GAPVD1: variants seen among roughly 807,000 people sequenced by gnomAD.
GAPVD1 encodes the protein GTPase-activating protein and VPS9 domain-containing protein 1.
A neutral mutation model predicts 155.5 loss-of-function variants in GAPVD1; 35 were observed. The observed-to-expected ratio is 0.23, with a 90% CI of 0.17 to 0.30. GAPVD1 has a LOEUF of 0.30. GAPVD1 is among the 10% of genes least tolerant of loss of function. The pLI, the probability that GAPVD1 is intolerant of heterozygous loss-of-function variation, is 1.00. For synonymous variants in GAPVD1, 636 were observed against 619.7 expected (o/e 1.03, Z -0.39); for missense variants, 1,429 against 1,775.7 (o/e 0.80, Z 3.51).
intron 15 of GAPVD1, among the ~76,000 whole-genome samples, chr9:125,335,466 A>G (rs1170779328): frequency 1.3e-5 from 2 of 151,778 alleles, no homozygotes; most frequent in African/African-American, 4.8e-5. Flanking sequence ...TTACGAGGTC[A>G]GGAGATCGAG....
chr9:125,357,897 C>T (rs1850325520), intron 25 of GAPVD1, among the ~76,000 whole-genome samples: 1 of 151,776 alleles, frequency 6.6e-6, no homozygotes. Context: ...ATTGCTTGAA[C>T]CCAGGAGGCA....
intron 23 of GAPVD1, among the ~76,000 whole-genome samples, chr9:125,352,514 G>A (rs62581377): frequency 0.03 from 4,535 of 152,318 alleles, 86 homozygotes; most frequent in Non-Finnish European, 0.048. Flanking sequence ...TGGCTAGAGC[G>A]GCCGGAGGGC....
At chr9:125,350,924 T>C in intron 23 of GAPVD1, 52 bp downstream of exon 23, 1 of 1,383,304 alleles carries the variant, frequency 7.2e-7, no homozygotes, top group African/African-American at 1.4e-5. Flanking sequence ...GCTGCAAGTG[T>C]TTTCTTTTTT....
At chr9:125,356,786 C>G (rs1212455723) in intron 25 of GAPVD1, among the ~76,000 whole-genome samples, 1 of 152,218 alleles carries the variant, frequency 6.6e-6, no homozygotes, top group African/African-American at 2.4e-5. Context: ...ATTCTCCTGC[C>G]TCAGCCTCCC....
intron 11 of GAPVD1, among the ~76,000 whole-genome samples, chr9:125,325,519 CAAAAAA>C (rs34510251): frequency 2.1e-5 from 2 of 93,250 alleles, no homozygotes; most frequent in Admixed American, 1.3e-4. Flanking sequence ...GACTCCATCT[CAAAAAA>C]AAAAAAAAAA....
chr9:125,335,132 A>G (rs766048724), intron 15 of GAPVD1: 2 of 738,562 alleles, frequency 2.7e-6, no homozygotes, highest in African/African-American at 1.7e-5. Flanking sequence ...GGCTACTAAC[A>G]TATTGTTCCT....
In GAPVD1 at chr9:125,307,515, G is replaced by A; in HGVS notation, c.1219G>A (p.Val407Ile). ...NLLEGLSRTV[V>I]YITYSQLITL... ...TCTGGAAGGATTGAGCAGAACTGTG[G>A]TTTATATAACCTACAGTCAGCTTAT... The change falls in exon 7 of 28, where the codon GTT becomes ATT. Residue 407 changes from valine to isoleucine, a missense_variant. Transcript: ENST00000297933. 1 of 1,612,550 alleles carries A rather than the reference G, an allele frequency of 6.2e-7. No individual in the cohort carries two copies. Among genetic ancestry groups the A allele is most frequent in the East Asian group, 2.2e-5 (1 of 44,872 alleles).
chr9:125,317,010 A>G (rs1036497025), intron 9 of GAPVD1, among the ~76,000 whole-genome samples: 26 of 152,290 alleles, frequency 1.7e-4, no homozygotes, highest in African/African-American at 6.0e-4. Context: ...TTTCACAGGA[A>G]AAAAGTTAAT....
intron 2 of GAPVD1, among the ~76,000 whole-genome samples, chr9:125,288,439 T>A (rs1838072716): frequency 1.3e-5 from 2 of 152,120 alleles, no homozygotes; most frequent in South Asian, 4.1e-4. Context: ...ATTTATATTG[T>A]TCACATCTTC....
intron 10 of GAPVD1, among the ~76,000 whole-genome samples, chr9:125,321,925 T>C (rs1844378295): frequency 6.6e-6 from 1 of 152,206 alleles, no homozygotes. Flanking sequence ...TTCAATATGT[T>C]GCACATACTC....
chr9:125,323,296 T>G (rs1844660830), intron 10 of GAPVD1, among the ~76,000 whole-genome samples: 1 of 151,170 alleles, frequency 6.6e-6, no homozygotes. Flanking sequence ...TGTTTTGTTT[T>G]GTTGTGTTGT....
chr9:125,350,616 C>T (rs1463721932), intron 22 of GAPVD1, 97 bp from the exon 23 acceptor site: 30 of 755,536 alleles, frequency 4.0e-5, no homozygotes, highest in Middle Eastern at 3.0e-4. Context: ...TCTAATGATA[C>T]GTGACAAAGC....
chr9:125,312,709 G>C (rs951974170), intron 9 of GAPVD1, 97 bp downstream of exon 9: 10 of 815,316 alleles, frequency 1.2e-5, no homozygotes, highest in Non-Finnish European at 1.7e-5. Flanking sequence ...ATAAACAACA[G>C]ATATTTATTT....
At chr9:125,306,640 G>A (rs925191496) in intron 6 of GAPVD1, among the ~76,000 whole-genome samples, 2 of 151,956 alleles carry the variant, frequency 1.3e-5, no homozygotes, top group African/African-American at 2.4e-5. Context: ...CTGCAGGTGC[G>A]CGCCACCACA....
In GAPVD1 at chr9:125,312,096, G is replaced by T. The variant is rs1352023771; in HGVS notation, c.1442-356G>T. 4.6e-5 allele frequency among the ~76,000 whole-genome samples: 7 copies of T among 152,088 alleles called. 1 individual carries two copies. Among genetic ancestry groups the T allele is most frequent in the Non-Finnish European group, 8.8e-5 (6 of 68,008 alleles). ...ATCAATTTATAGGAAAAATAGTGAA[G>T]GTATCTTAAAAAGATAAGAAATGAG... On this transcript the variant is annotated intron_variant, in intron 8 of 27. Coordinates refer to ENST00000297933, the MANE Select transcript of GAPVD1 (RefSeq NM_001282680.3).
chr9:125,356,644 G>T (rs1448139490), intron 25 of GAPVD1, among the ~76,000 whole-genome samples: 1 of 151,954 alleles, frequency 6.6e-6, no homozygotes, highest in East Asian at 1.9e-4. Context: ...TGGTACTATA[G>T]GTGCACACCA....
intron 2 of GAPVD1, among the ~76,000 whole-genome samples, chr9:125,291,680 G>C (rs537172846): frequency 5.3e-5 from 8 of 152,218 alleles, no homozygotes; most frequent in East Asian, 1.9e-4. Flanking sequence ...GTTTTTAATG[G>C]TGGAGGGAGG....
intron 8 of GAPVD1, chr9:125,310,064 TATAA>T (rs1330743576): frequency 2.9e-6 from 1 of 348,074 alleles, no homozygotes; most frequent in Non-Finnish European, 6.1e-6. Context: ...AGAAATAGTT[TATAA>T]AAGTATGCTC....
At chr9:125,277,573 C>T (rs1835988833) in intron 2 of GAPVD1, among the ~76,000 whole-genome samples, 1 of 152,096 alleles carries the variant, frequency 6.6e-6, no homozygotes, top group African/African-American at 2.4e-5. Flanking sequence ...CAAGATCAGA[C>T]CTTGCCTGTC....
Sources: allele counts gnomAD v4.1 joint callset (sites outside exome capture counted in the v4.1 genomes callset), GRCh38; gene constraint gnomAD v4.1.1; transcripts MANE v1.5; gene names NCBI Gene and HGNC (gene_info 2026-07-23, HGNC 2026-07-21).